SYNE2: variants seen among roughly 807,000 people sequenced by gnomAD.
SYNE2 encodes the protein spectrin repeat containing nuclear envelope protein 2.
SYNE2 carries 431 observed loss-of-function variants against 856.3 expected under a neutral mutation model. The ratio of observed to expected loss-of-function variants is 0.50; its 90% CI spans 0.47 to 0.55. SYNE2 has a LOEUF of 0.55. SYNE2 is among the 20% of genes least tolerant of loss of function. The probability of loss-of-function intolerance (pLI) is 0.00; values close to 1 mark genes in which losing one functional copy is unlikely to be tolerated. For missense variants in SYNE2, 8,129 were observed against 8,023.2 expected (o/e 1.01, Z -0.50); for synonymous variants, 2,923 against 2,872.3 (o/e 1.02, Z -0.56).
chr14:63,878,895 A>G (rs1298412874), intron 1 of SYNE2, among the ~76,000 whole-genome samples: 4 of 152,120 alleles, frequency 2.6e-5, no homozygotes, highest in African/African-American at 9.7e-5. Context: ...TCTAGGCATA[A>G]CTCTTAAATA....
chr14:64,114,792 A>AT (rs1567341593), intron 66 of SYNE2, among the ~76,000 whole-genome samples: 1 of 151,500 alleles, frequency 6.6e-6, no homozygotes, highest in Non-Finnish European at 1.5e-5. Context: ...TACTTTTTGT[A>AT]TTTTTTTGTA....
intron 80 of SYNE2, among the ~76,000 whole-genome samples, chr14:64,141,065 T>C (rs1394387620): frequency 6.6e-6 from 1 of 152,200 alleles, no homozygotes. Flanking sequence ...TTGGGTTCCA[T>C]AGTTTATTGT....
At position 64,174,930 on chromosome 14, in the gene SYNE2, C is replaced by T. The variant is rs749533696; in HGVS notation, c.17236-14C>T. ...TCAGAAACCTAAGCAAATTACTTCT[C>T]TTTTTTTTCTTAGAATAAAGAAATT... On this transcript the variant is annotated splice_polypyrimidine_tract_variant and intron_variant, in intron 94 of 115. Coordinates refer to ENST00000555002, the MANE Select transcript of SYNE2 (RefSeq NM_182914.3). 5.0e-6 allele frequency: 8 copies of T among 1,611,788 alleles called. No individual in the cohort carries two copies. The East Asian group carries it at 1.8e-4, about 36-fold the overall frequency.
intron 84 of SYNE2, among the ~76,000 whole-genome samples, chr14:64,148,527 C>T (rs904778954): frequency 2.0e-5 from 3 of 152,034 alleles, no homozygotes; most frequent in African/African-American, 4.8e-5. Flanking sequence ...CTTCCCTCCC[C>T]TCGCCCCCAC....
intron 31 of SYNE2, among the ~76,000 whole-genome samples, chr14:64,009,558 AAG>A (rs1567041431): frequency 2.0e-5 from 3 of 148,044 alleles, no homozygotes; most frequent in African/African-American, 5.0e-5. Context: ...AAAAAAAAAA[AAG>A]AGAATAGATA....
intron 87 of SYNE2, among the ~76,000 whole-genome samples, chr14:64,160,241 C>T (rs148114281): frequency 0.016 from 2,378 of 152,262 alleles, 26 homozygotes; most frequent in Non-Finnish European, 0.025. Context: ...TCAGGGCTAC[C>T]GTCAAAACGT....
rs374144405 is a variant in SYNE2 at position 64,186,496 on chromosome 14, C to T, written c.17629C>T (p.Arg5877Trp). Residue 5877 changes from arginine (R) to tryptophan (W), a missense_variant, in exon 97 of 116, where the codon CGG becomes TGG. Transcript: ENST00000555002. ...ELQTMKADLTRHVLVEDVMVL... is the reference protein window; with the variant it reads ...ELQTMKADLTWHVLVEDVMVL... ...TCAAACTATGAAGGCGGACTTAACC[C>T]GGCACGTTCTCGTGGAAGATGTGAT... is the stretch of plus-strand genomic sequence containing the variant. 6.2e-6 allele frequency: 10 copies of T among 1,614,072 alleles called. No individual in the cohort carries two copies. Among genetic ancestry groups the T allele is most frequent in the Non-Finnish European group, 8.5e-6 (10 of 1,180,042 alleles).
Position 64,125,128 on chromosome 14 carries a change from G to A in SYNE2, c.13472G>A (p.Arg4491Lys). 2 of 1,614,184 alleles carry A rather than the reference G, an allele frequency of 1.2e-6. No individual in the cohort carries two copies. Among genetic ancestry groups the A allele is most frequent in the South Asian group, 2.2e-5 (2 of 91,078 alleles). Residue 4491 changes from arginine to lysine, a missense_variant, in exon 71 of 116, where the codon AGA becomes AAA. Transcript: ENST00000555002. ...ILPSVTMYNF[R>K]YPTTEELKTY... is the part of the protein sequence containing the mutation. Reference sequence around the variant, plus strand: ...CCCAGCGTGACTATGTATAACTTTAGATACCCAACAACTGAAGAACTGAAA... The same window carrying A: ...CCCAGCGTGACTATGTATAACTTTAAATACCCAACAACTGAAGAACTGAAA...
chr14:64,010,213 G>C, intron 32 of SYNE2, 97 bp downstream of exon 32: 12 of 1,353,856 alleles, frequency 8.9e-6, no homozygotes, highest in Non-Finnish European at 1.2e-5. Flanking sequence ...TTGAAACTTC[G>C]TTTAAAAGAA....
At chr14:63,893,384 C>T (rs2095179347) in intron 1 of SYNE2, among the ~76,000 whole-genome samples, 1 of 151,974 alleles carries the variant, frequency 6.6e-6, no homozygotes, top group East Asian at 1.9e-4. Context: ...CATTGTGAGA[C>T]CTATTTTTTT....
In SYNE2 at chr14:64,159,455, A is replaced by G. The variant is rs777080427; in HGVS notation, c.16094+13A>G. The G allele has an allele frequency of 3.1e-6, 5 of 1,612,662 alleles. No individual in the cohort carries two copies. Among genetic ancestry groups the G allele is most frequent in the South Asian group, 1.1e-5 (1 of 91,076 alleles). On this transcript the variant is annotated intron_variant, in intron 87 of 115. Coordinates refer to ENST00000555002, the MANE Select transcript of SYNE2 (RefSeq NM_182914.3). Reference sequence around the variant, plus strand: ...ATACTCATAAAAGGTATGCTTTCAGATATAATTTGAATGATAGATATCTTT... The same window carrying G: ...ATACTCATAAAAGGTATGCTTTCAGGTATAATTTGAATGATAGATATCTTT...
intron 2 of SYNE2, among the ~76,000 whole-genome samples, chr14:63,920,729 G>A (rs779382581): frequency 6.6e-6 from 1 of 151,786 alleles, no homozygotes; most frequent in Non-Finnish European, 1.5e-5. Context: ...GAGATGGAGA[G>A]AAATAGGTGT....
At chr14:64,134,820 AC>A in intron 78 of SYNE2, among the ~76,000 whole-genome samples, 2 of 150,630 alleles carry the variant, frequency 1.3e-5, no homozygotes, top group East Asian at 2.0e-4. Flanking sequence ...CTACTAAAAT[AC>A]AAAAAAAAAA....
At chr14:64,139,443 G>T (rs992645935) in intron 79 of SYNE2, among the ~76,000 whole-genome samples, 3 of 148,636 alleles carry the variant, frequency 2.0e-5, no homozygotes, top group Non-Finnish European at 4.5e-5. Flanking sequence ...ACAGAGTCTT[G>T]CTCTGTCGCC....
intron 43 of SYNE2, among the ~76,000 whole-genome samples, chr14:64,029,637 A>G (rs776656365): frequency 4.6e-5 from 7 of 151,200 alleles, no homozygotes; most frequent in Non-Finnish European, 8.8e-5. Flanking sequence ...CAAATAAATT[A>G]TCTTCATGAA....
chr14:64,145,083 C>T (rs981413368), intron 83 of SYNE2, among the ~76,000 whole-genome samples: 9 of 151,846 alleles, frequency 5.9e-5, no homozygotes, highest in African/African-American at 1.2e-4. Context: ...CCTGCCGCCA[C>T]GCCTAGCTAA....
In SYNE2 at chr14:64,031,205, C is replaced by T. The variant is rs1246281343; in HGVS notation, c.7069C>T (p.Leu2357Phe). ...TGCTAAGCAGGAGATGGAATGTTGT[C>T]TCAACAGCATTCTCAAATCAAAACG... ...ASAKQEMECC[L>F]NSILKSKRST... Residue 2357 changes from leucine to phenylalanine, a missense_variant, in exon 45 of 116, where the codon CTC (leucine) becomes TTC (phenylalanine). Around this residue, in one of 3 missense-constraint regions of SYNE2, gnomAD observed 297 missense variants for 380.9 expected, o/e 0.78. Transcript: ENST00000555002. 1.2e-6 allele frequency: 2 copies of T among 1,613,952 alleles called. No individual in the cohort carries two copies. The highest frequency in any genetic ancestry group is 1.3e-5 in the African/African-American group (1 of 74,926).
At chr14:64,223,541 G>A (rs1322734504) in intron 113 of SYNE2, among the ~76,000 whole-genome samples, 161 bp downstream of exon 113, 1 of 152,188 alleles carries the variant, frequency 6.6e-6, no homozygotes, top group Non-Finnish European at 1.5e-5. Context: ...TGGACTTAAA[G>A]AGCTGCATGA....
At chr14:63,827,351 G>A (rs965292214) in intron 1 of SYNE2, among the ~76,000 whole-genome samples, 6 of 146,430 alleles carry the variant, frequency 4.1e-5, no homozygotes, top group South Asian at 4.4e-4. Context: ...CAGGCCGGGC[G>A]CGGTGGCTCA....
Sources: gnomAD v4.1 joint callset for allele counts (sites outside exome capture counted in the v4.1 genomes callset) on GRCh38, gnomAD v4.1.1 for gene constraint, gnomAD v4.1.1 regional missense constraint, MANE v1.5 for transcripts, NCBI Gene and HGNC (gene_info 2026-07-23, HGNC 2026-07-21) for gene names.